The following XPR1 variants were observed in gnomAD, a reference collection of about 807,000 sequenced individuals.
The protein encoded by XPR1 is xenotropic and polytropic retrovirus receptor 1, also known as solute carrier family 53 member 1.
XPR1 carries 28 observed loss-of-function variants against 87.5 expected under a neutral mutation model. That is an observed-to-expected ratio of 0.32 (90% CI 0.24 to 0.44). The LOEUF (loss-of-function observed/expected upper bound fraction) is 0.44. Ranked by LOEUF, XPR1 falls within the 20% of genes least tolerant of loss-of-function variation. The pLI is 1.00. For synonymous variants in XPR1, 300 were observed against 306.1 expected (o/e 0.98, Z 0.21); for missense variants, 559 against 862.3 (o/e 0.65, Z 4.41).
chr1:180,703,447 G>T (rs1237566906), intron 2 of XPR1, among the ~76,000 whole-genome samples: 1 of 152,114 alleles, frequency 6.6e-6, no homozygotes, highest in African/African-American at 2.4e-5. Flanking sequence ...CAGTTCCTAG[G>T]CTCCCAGATG....
At chr1:180,770,265 A>T (rs528479334) in intron 2 of XPR1, among the ~76,000 whole-genome samples, 1 of 152,198 alleles carries the variant, frequency 6.6e-6, no homozygotes, top group East Asian at 1.9e-4. Flanking sequence ...TGGCTTAAAC[A>T]GCAGACAGTT....
intron 2 of XPR1, among the ~76,000 whole-genome samples, chr1:180,683,366 T>C (rs1398123071): frequency 1.3e-5 from 2 of 152,316 alleles, no homozygotes; most frequent in East Asian, 3.9e-4. Context: ...AGTCTATTGT[T>C]GTTGGACATT....
chr1:180,857,386 C>T (rs906402368), intron 11 of XPR1, among the ~76,000 whole-genome samples: 9 of 152,164 alleles, frequency 5.9e-5, no homozygotes, highest in African/African-American at 1.9e-4. Flanking sequence ...TTTACTGAGG[C>T]AGGAAATTTG....
intron 13 of XPR1, among the ~76,000 whole-genome samples, chr1:180,879,298 T>A (rs977301748): frequency 6.6e-6 from 1 of 152,174 alleles, no homozygotes; most frequent in African/African-American, 2.4e-5. Context: ...CTCCCTTTGA[T>A]CTCTTCACCA....
chr1:180,656,444 A>AT (rs71121042), intron 1 of XPR1, among the ~76,000 whole-genome samples: 71 of 838 alleles, frequency 0.085, 4 homozygotes, highest in African/African-American at 0.19. Context: ...TTTATATATA[A>AT]ATATTTATAT....
chr1:180,797,213 A>C (rs1327720396), intron 3 of XPR1, among the ~76,000 whole-genome samples: 2 of 152,240 alleles, frequency 1.3e-5, no homozygotes, highest in East Asian at 3.8e-4. Context: ...TTATAAAAAA[A>C]GATAAAGATT....
At chr1:180,697,931 G>A (rs1471153224) in intron 2 of XPR1, among the ~76,000 whole-genome samples, 1 of 152,150 alleles carries the variant, frequency 6.6e-6, no homozygotes, top group Non-Finnish European at 1.5e-5. Flanking sequence ...CACCTGTTGG[G>A]TGAAATGTTC....
chr1:180,678,871 C>A (rs562876771), intron 1 of XPR1, among the ~76,000 whole-genome samples: 84 of 152,266 alleles, frequency 5.5e-4, no homozygotes, highest in African/African-American at 2.0e-3. Flanking sequence ...AAGTTTACTT[C>A]TTCCTTTTTG....
intron 2 of XPR1, among the ~76,000 whole-genome samples, chr1:180,695,925 G>T (rs1045996994): frequency 3.9e-5 from 6 of 151,990 alleles, no homozygotes; most frequent in Middle Eastern, 3.4e-3. Context: ...GTCTTTTGTG[G>T]TTCCATGCAA....
At chr1:180,786,733 A>T (rs1209010502) in intron 2 of XPR1, among the ~76,000 whole-genome samples, 9 of 152,170 alleles carry the variant, frequency 5.9e-5, no homozygotes, top group Admixed American at 5.2e-4. Context: ...GATTTGACAA[A>T]CTGGGCCCAC....
chr1:180,837,302 TCAA>T (rs1044705729), intron 11 of XPR1, among the ~76,000 whole-genome samples: 21 of 152,340 alleles, frequency 1.4e-4, no homozygotes, highest in African/African-American at 4.1e-4. Context: ...GAACTGTCAG[TCAA>T]CAATCTCACT....
intron 1 of XPR1, among the ~76,000 whole-genome samples, chr1:180,665,619 C>A (rs974994260): frequency 3.9e-5 from 6 of 152,172 alleles, no homozygotes; most frequent in Non-Finnish European, 7.3e-5. Context: ...TGGCTGAATT[C>A]AGCCCAGTGT....
intron 9 of XPR1, among the ~76,000 whole-genome samples, chr1:180,834,111 C>T (rs1651182205): frequency 6.6e-6 from 1 of 151,402 alleles, no homozygotes; most frequent in African/African-American, 2.4e-5. Context: ...GAGATGGAGC[C>T]TTGCTCTGTC....
intron 2 of XPR1, among the ~76,000 whole-genome samples, chr1:180,698,278 A>G (rs1043187635): frequency 6.6e-5 from 10 of 151,770 alleles, no homozygotes; most frequent in African/African-American, 2.4e-4. Context: ...TTTGCGGGAG[A>G]TATTTTTTTC....
chr1:180,882,124 A>G (rs1182601165), intron 14 of XPR1, among the ~76,000 whole-genome samples: 1 of 152,200 alleles, frequency 6.6e-6, no homozygotes, highest in Non-Finnish European at 1.5e-5. Context: ...ATCTAAACAT[A>G]TACTATTTCT....
intron 9 of XPR1, among the ~76,000 whole-genome samples, chr1:180,827,213 C>T (rs1462341312): frequency 1.3e-5 from 2 of 151,136 alleles, no homozygotes; most frequent in African/African-American, 4.9e-5. Flanking sequence ...TGTCTCAAAC[C>T]TCCTGGCTTC....
intron 9 of XPR1, among the ~76,000 whole-genome samples, chr1:180,831,362 C>CTTTTTCTTTTTTTTTTT (rs1553252332): frequency 2.2e-4 from 25 of 115,334 alleles, no homozygotes; most frequent in Middle Eastern, 4.8e-3. Context: ...TTTTCTTTTT[C>CTTTTTCTTTTTTTTTTT]TTTTTTTTTT....
At chr1:180,739,811 G>C (rs1658859572) in intron 2 of XPR1, among the ~76,000 whole-genome samples, 1 of 151,996 alleles carries the variant, frequency 6.6e-6, no homozygotes, top group Non-Finnish European at 1.5e-5. Flanking sequence ...CATGATCTCG[G>C]CTCACTGCAA....
intron 1 of XPR1, among the ~76,000 whole-genome samples, chr1:180,649,929 A>G (rs1306665035): frequency 6.6e-6 from 1 of 152,036 alleles, no homozygotes; most frequent in Non-Finnish European, 1.5e-5. Context: ...CAAGTACCTG[A>G]TACTTCCACT....
Sources: allele counts gnomAD v4.1 joint callset (sites outside exome capture counted in the v4.1 genomes callset), GRCh38; gene constraint gnomAD v4.1.1; transcripts MANE v1.5; gene names NCBI Gene and HGNC (gene_info 2026-07-23, HGNC 2026-07-21).